SLC9C1: variants seen among roughly 807,000 people sequenced by gnomAD.
SLC9C1 encodes solute carrier family 9 member C1.
Under a neutral mutation model 140.9 loss-of-function variants are expected in SLC9C1, and 97 were observed. That is an observed-to-expected ratio of 0.69 (90% confidence interval 0.58 to 0.82). SLC9C1 has a LOEUF of 0.82. Among genes scored for constraint, SLC9C1 ranks in the 40% least tolerant of loss-of-function variants. SLC9C1 has a pLI of 0.00. For missense variants in SLC9C1, 1,340 were observed against 1,389.3 expected (o/e 0.96, Z 0.56); for synonymous variants, 440 against 442.6 (o/e 0.99, Z 0.07).
At chr3:112,199,778 A>G (rs1166901727) in intron 19 of SLC9C1, among the ~76,000 whole-genome samples, 1 of 152,112 alleles carries the variant, frequency 6.6e-6, no homozygotes, top group South Asian at 2.1e-4. Flanking sequence ...GCTCAGGGCT[A>G]TATGTCTGGA....
chr3:112,206,412 T>A (rs2078050345), intron 16 of SLC9C1, among the ~76,000 whole-genome samples: 1 of 152,086 alleles, frequency 6.6e-6, no homozygotes, highest in Non-Finnish European at 1.5e-5. Flanking sequence ...AGAAACTAGT[T>A]CAACCATTGT....
chr3:112,234,142 T>C (rs143298215), intron 12 of SLC9C1, among the ~76,000 whole-genome samples: 44,870 of 152,072 alleles, frequency 0.3, 6,800 homozygotes, highest in East Asian at 0.36. Context: ...CTCCAGCACC[T>C]GTTGTTTCCT....
chr3:112,288,395 G>T (rs1402271335), intron 1 of SLC9C1, among the ~76,000 whole-genome samples: 1 of 151,888 alleles, frequency 6.6e-6, no homozygotes, highest in Non-Finnish European at 1.5e-5. Flanking sequence ...TCTTATTATT[G>T]TATCACCAGC....
chr3:112,205,321 A>G (rs2078017386), intron 16 of SLC9C1, among the ~76,000 whole-genome samples: 2 of 152,002 alleles, frequency 1.3e-5, no homozygotes, highest in Non-Finnish European at 2.9e-5. Flanking sequence ...AAGACAATAA[A>G]ATACCTGGGA....
At chr3:112,257,913 G>A (rs4602356) in intron 10 of SLC9C1, among the ~76,000 whole-genome samples, 45,176 of 151,954 alleles carry the variant, frequency 0.3, 7,276 homozygotes, top group East Asian at 0.44. Flanking sequence ...AAAAGAAGAC[G>A]TACATGCAGC....
intron 24 of SLC9C1, 31 bp from the exon 25 acceptor site, chr3:112,169,093 A>G: frequency 3.2e-6 from 5 of 1,575,392 alleles, no homozygotes; most frequent in Middle Eastern, 1.7e-4. Context: ...TCAGTCTATT[A>G]TTAGTCTATG....
chr3:112,246,505 C>A (rs1186433452), intron 10 of SLC9C1, among the ~76,000 whole-genome samples: 1 of 152,072 alleles, frequency 6.6e-6, no homozygotes, highest in Non-Finnish European at 1.5e-5. Context: ...CTATCATACT[C>A]CAGCAAAGCC....
At chr3:112,236,996 C>A (rs1326454353) in intron 12 of SLC9C1, among the ~76,000 whole-genome samples, 1 of 152,192 alleles carries the variant, frequency 6.6e-6, no homozygotes, top group East Asian at 1.9e-4. Context: ...TGGTGCAGAG[C>A]TGAGCTCATT....
chr3:112,185,720 G>C (rs1386551848), intron 20 of SLC9C1: 1 of 1,539,334 alleles, frequency 6.5e-7, no homozygotes, highest in Non-Finnish European at 8.7e-7. Context: ...CCTCGGACAC[G>C]GCGGCCTTGC....
chr3:112,208,079 C>A (rs2078105431), intron 16 of SLC9C1, 99 bp downstream of exon 16: 1 of 955,048 alleles, frequency 1.0e-6, no homozygotes, highest in Non-Finnish European at 1.5e-6. Flanking sequence ...TTCATACACT[C>A]CTTCAGAAAA....
chr3:112,203,108 C>T (rs564228457), intron 17 of SLC9C1, among the ~76,000 whole-genome samples: 1 of 152,126 alleles, frequency 6.6e-6, no homozygotes, highest in South Asian at 2.1e-4. Flanking sequence ...ACTTATCCTA[C>T]CATATAACAT....
At chr3:112,146,501 G>A (rs530309752) in intron 28 of SLC9C1, among the ~76,000 whole-genome samples, 2 of 152,136 alleles carry the variant, frequency 1.3e-5, no homozygotes, top group Non-Finnish European at 2.9e-5. Context: ...AGAGACTTTG[G>A]TATGTTGTGT....
intron 23 of SLC9C1, among the ~76,000 whole-genome samples, chr3:112,178,403 C>T (rs2077379172): frequency 1.3e-5 from 2 of 152,134 alleles, no homozygotes; most frequent in African/African-American, 4.8e-5. Context: ...TTTGGGATTA[C>T]AGGTATAAGC....
intron 28 of SLC9C1, among the ~76,000 whole-genome samples, chr3:112,150,842 T>A (rs201046162): frequency 0.019 from 726 of 38,988 alleles, 11 homozygotes; most frequent in East Asian, 0.1. Context: ...ATATATATAT[T>A]TTTTTTTTTT....
chr3:112,270,137 A>G, intron 6 of SLC9C1, 60 bp from the exon 7 acceptor site: 1 of 1,418,266 alleles, frequency 7.1e-7, no homozygotes, highest in East Asian at 2.6e-5. Flanking sequence ...ATTTTAATTG[A>G]TATTCCTTGT....
At chr3:112,238,089 T>G (rs958475698) in intron 12 of SLC9C1, among the ~76,000 whole-genome samples, 2 of 152,252 alleles carry the variant, frequency 1.3e-5, no homozygotes, top group Non-Finnish European at 2.9e-5. Flanking sequence ...CACTTTCAGG[T>G]ATACCAATCA....
intron 20 of SLC9C1, among the ~76,000 whole-genome samples, chr3:112,189,326 T>C (rs868638512): frequency 6.6e-6 from 1 of 152,320 alleles, no homozygotes; most frequent in Middle Eastern, 3.4e-3. Flanking sequence ...CTTAATGGTA[T>C]TGCCTAGGTT....
At chr3:112,292,583 GC>G (rs1559761774) in intron 1 of SLC9C1, among the ~76,000 whole-genome samples, 1 of 151,984 alleles carries the variant, frequency 6.6e-6, no homozygotes, top group Non-Finnish European at 1.5e-5. Context: ...ATGATCTGTC[GC>G]CCAGGCTGGA....
At chr3:112,213,269 C>A (rs193251700) in intron 15 of SLC9C1, among the ~76,000 whole-genome samples, 2 of 152,290 alleles carry the variant, frequency 1.3e-5, no homozygotes, top group Non-Finnish European at 2.9e-5. Context: ...ATTGTAAAGA[C>A]CATCTATGCT....
Sources: allele counts gnomAD v4.1 joint callset (sites outside exome capture counted in the v4.1 genomes callset), GRCh38; gene constraint gnomAD v4.1.1; transcripts MANE v1.5; gene names NCBI Gene and HGNC (gene_info 2026-07-23, HGNC 2026-07-21).